The following SNX29 variants were observed in gnomAD, a reference collection of about 807,000 sequenced individuals.
SNX29 encodes the protein sorting nexin 29.
In SNX29, 78 loss-of-function variants were observed where a neutral mutation model predicts 102.1. The observed-to-expected ratio is 0.76, with a 90% CI of 0.64 to 0.92. The LOEUF (loss-of-function observed/expected upper bound fraction) is 0.92. Among genes scored for constraint, SNX29 ranks in the 40% least tolerant of loss-of-function variants. The pLI is 0.00. For missense variants in SNX29, 1,280 were observed against 1,061.7 expected, an observed-to-expected ratio of 1.21 and a Z score of -2.86; for synonymous variants, 580 against 414.5, an observed-to-expected ratio of 1.40 and a Z score of -4.85.
chr16:12,412,571 T>A (rs1029075724), intron 18 of SNX29, among the ~76,000 whole-genome samples: 2 of 152,360 alleles, frequency 1.3e-5, no homozygotes, highest in Admixed American at 6.5e-5. Context: ...GACAAGTCTG[T>A]TAAGGTGGAG....
chr16:12,186,335 G>C (rs749228627), intron 13 of SNX29, among the ~76,000 whole-genome samples: 2 of 152,118 alleles, frequency 1.3e-5, no homozygotes, highest in Non-Finnish European at 2.9e-5. Context: ...TTAATATTTT[G>C]CTCTATTGGA....
At chr16:12,197,437 G>A (rs950358118) in intron 13 of SNX29, among the ~76,000 whole-genome samples, 2 of 152,168 alleles carry the variant, frequency 1.3e-5, no homozygotes, top group African/African-American at 4.8e-5. Flanking sequence ...CGGTCATGGT[G>A]GTGGGCGCCT....
chr16:12,189,400 T>C (rs764914388), intron 13 of SNX29, among the ~76,000 whole-genome samples: 2 of 152,224 alleles, frequency 1.3e-5, no homozygotes, highest in Non-Finnish European at 2.9e-5. Flanking sequence ...TTTTTGAAGA[T>C]GATAGGCCAG....
intron 14 of SNX29, among the ~76,000 whole-genome samples, chr16:12,274,205 TTTC>T (rs1304789374): frequency 6.6e-6 from 1 of 152,240 alleles, no homozygotes; most frequent in African/African-American, 2.4e-5. Flanking sequence ...CAAAATAATT[TTTC>T]TTCAGAATGT....
chr16:12,189,986 C>T (rs1399929258), intron 13 of SNX29, among the ~76,000 whole-genome samples: 1 of 152,124 alleles, frequency 6.6e-6, no homozygotes. Context: ...TTCTCTTCTC[C>T]AATAACAAGA....
At chr16:12,059,277 C>T (rs960707094) in intron 8 of SNX29, among the ~76,000 whole-genome samples, 4 of 152,198 alleles carry the variant, frequency 2.6e-5, no homozygotes, top group African/African-American at 9.6e-5. Flanking sequence ...TTGCTGCCTT[C>T]TCCTGAAAGG....
chr16:12,173,433 A>G (rs1465925232), intron 13 of SNX29, among the ~76,000 whole-genome samples: 1 of 152,164 alleles, frequency 6.6e-6, no homozygotes, highest in Non-Finnish European at 1.5e-5. Context: ...GTTTCAATAA[A>G]ACTTTATTTA....
At chr16:12,258,719 G>T (rs893830719) in intron 14 of SNX29, among the ~76,000 whole-genome samples, 8 of 152,124 alleles carry the variant, frequency 5.3e-5, no homozygotes. Context: ...GTACTTCGCT[G>T]CCTTTCCATC....
At chr16:12,546,209 G>A (rs922480174) in intron 20 of SNX29, 2 of 152,212 alleles carry the variant, frequency 1.3e-5, no homozygotes, top group Non-Finnish European at 2.9e-5. Context: ...AGGGACGTAG[G>A]AGGTACTCAT....
chr16:12,452,892 TG>T (rs1169977640), intron 18 of SNX29, among the ~76,000 whole-genome samples: 1 of 152,194 alleles, frequency 6.6e-6, no homozygotes, highest in Non-Finnish European at 1.5e-5. Context: ...TGACTGCAGC[TG>T]TCATTTCTTT....
At chr16:11,976,898 C>A in intron 1 of SNX29, 85 bp downstream of exon 1, 1 of 1,284,890 alleles carries the variant, frequency 7.8e-7, no homozygotes, top group Admixed American at 4.2e-5. Flanking sequence ...CCTGCGTCCT[C>A]GCGCCCCGCT....
intron 20 of SNX29, among the ~76,000 whole-genome samples, chr16:12,542,194 A>G (rs1211706121): frequency 4.6e-5 from 7 of 152,154 alleles, no homozygotes; most frequent in African/African-American, 1.4e-4. Flanking sequence ...CCTTTTCCAC[A>G]CAGGGTGTCA....
At chr16:12,131,833 A>G (rs972379126) in intron 13 of SNX29, among the ~76,000 whole-genome samples, 3 of 152,218 alleles carry the variant, frequency 2.0e-5, no homozygotes, top group Non-Finnish European at 4.4e-5. Context: ...TGTTGGCGCT[A>G]TGATCCTATG....
chr16:12,160,735 AAGG>A (rs2055748695), intron 13 of SNX29, among the ~76,000 whole-genome samples: 1 of 152,232 alleles, frequency 6.6e-6, no homozygotes, highest in African/African-American at 2.4e-5. Flanking sequence ...AGAAAAAAGT[AAGG>A]AGATTTTGTA....
At chr16:12,152,652 C>T (rs1304760458) in intron 13 of SNX29, among the ~76,000 whole-genome samples, 1 of 152,198 alleles carries the variant, frequency 6.6e-6, no homozygotes, top group Non-Finnish European at 1.5e-5. Context: ...CTGACCTGTA[C>T]TAGTAGCAAC....
chr16:12,378,648 C>G (rs2082965439), intron 16 of SNX29, among the ~76,000 whole-genome samples: 1 of 152,164 alleles, frequency 6.6e-6, no homozygotes, highest in Non-Finnish European at 1.5e-5. Flanking sequence ...GCCCCACTTC[C>G]AACATTGGGG....
At chr16:12,293,817 T>G (rs1341054300) in intron 15 of SNX29, among the ~76,000 whole-genome samples, 4 of 152,216 alleles carry the variant, frequency 2.6e-5, no homozygotes. Flanking sequence ...TCTCAATGAT[T>G]GTTAAAATCC....
intron 19 of SNX29, among the ~76,000 whole-genome samples, chr16:12,510,975 C>A (rs892711245): frequency 6.6e-6 from 1 of 151,928 alleles, no homozygotes; most frequent in East Asian, 2.0e-4. Flanking sequence ...AAAGCACTCC[C>A]CCACAGAGTC....
chr16:12,239,539 A>AT (rs909458384), intron 14 of SNX29, among the ~76,000 whole-genome samples: 79 of 147,600 alleles, frequency 5.4e-4, no homozygotes, highest in African/African-American at 1.8e-3. Context: ...ATTAAAAAAT[A>AT]TTTTTTGGCA....
Sources: gnomAD v4.1 joint callset for allele counts (sites outside exome capture counted in the v4.1 genomes callset) on GRCh38, gnomAD v4.1.1 for gene constraint, MANE v1.5 for transcripts, NCBI Gene and HGNC (gene_info 2026-07-23, HGNC 2026-07-21) for gene names.